Variants in POU6F2 observed in about 807,000 individuals in gnomAD.
POU6F2 encodes POU class 6 homeobox 2, also known as POU domain, class 6, transcription factor 2.
A neutral mutation model predicts 71.3 loss-of-function variants in POU6F2; 31 were observed. That is an observed-to-expected ratio of 0.43 (90% CI 0.33 to 0.59). POU6F2 has a LOEUF of 0.59. Ranked by LOEUF, POU6F2 falls within the 20% of genes least tolerant of loss-of-function variation. The pLI is 0.04. For missense variants in POU6F2, 783 were observed against 856.8 expected (o/e 0.91, Z 1.07); for synonymous variants, 347 against 355.7 (o/e 0.98, Z 0.27).
intron 6 of POU6F2, among the ~76,000 whole-genome samples, chr7:39,426,457 A>G (rs1163920299): frequency 1.3e-5 from 2 of 152,160 alleles, no homozygotes; most frequent in African/African-American, 4.8e-5. Flanking sequence ...ATTCAGACCC[A>G]TGATATTGAG....
intron 1 of POU6F2, among the ~76,000 whole-genome samples, chr7:39,069,305 A>G (rs1323236732): frequency 6.6e-6 from 1 of 152,210 alleles, no homozygotes; most frequent in East Asian, 1.9e-4. Flanking sequence ...CCAGAATGCC[A>G]GGGACTGAGT....
chr7:39,045,905 T>C (rs1226740476), intron 1 of POU6F2, among the ~76,000 whole-genome samples: 1 of 151,934 alleles, frequency 6.6e-6, no homozygotes, highest in Non-Finnish European at 1.5e-5. Flanking sequence ...TTAAGAGTAA[T>C]GTGGCTATGA....
intron 7 of POU6F2, among the ~76,000 whole-genome samples, chr7:39,441,483 G>A (rs2116072141): frequency 6.6e-6 from 1 of 152,182 alleles, no homozygotes; most frequent in African/African-American, 2.4e-5. Context: ...TGAGAAGCAA[G>A]GGAAGGAAGA....
chr7:39,123,935 A>G (rs1584554301), intron 2 of POU6F2, among the ~76,000 whole-genome samples: 1 of 152,286 alleles, frequency 6.6e-6, no homozygotes, highest in East Asian at 1.9e-4. Flanking sequence ...TAAATTGCAT[A>G]GATGCAATAT....
intron 1 of POU6F2, among the ~76,000 whole-genome samples, chr7:39,022,827 C>T (rs975760023): frequency 1.3e-5 from 2 of 152,000 alleles, no homozygotes; most frequent in Non-Finnish European, 2.9e-5. Context: ...CATTCTTTTG[C>T]ATGGACATAT....
intron 4 of POU6F2, among the ~76,000 whole-genome samples, chr7:39,257,275 C>CA (rs1457060751): frequency 6.6e-6 from 1 of 152,184 alleles, no homozygotes; most frequent in Non-Finnish European, 1.5e-5. Flanking sequence ...GAAATACATG[C>CA]ACTTGGAGTT....
At chr7:39,326,588 C>T (rs540711548) in intron 4 of POU6F2, among the ~76,000 whole-genome samples, 1 of 152,316 alleles carries the variant, frequency 6.6e-6, no homozygotes, top group African/African-American at 2.4e-5. Context: ...CCCACTCAAA[C>T]CCTAGGAGTT....
intron 4 of POU6F2, among the ~76,000 whole-genome samples, chr7:39,211,914 A>C (rs946046097): frequency 6.6e-6 from 1 of 152,118 alleles, no homozygotes; most frequent in Non-Finnish European, 1.5e-5. Context: ...CGGTTCACTC[A>C]TGTTCCATTT....
At position 39,276,633 on chromosome 7, in the gene POU6F2, CA is replaced by C. The variant is rs1784444756; in HGVS notation, c.599-63006del. ...TTTATTGCGGCACTATTCACAATAG[CA>C]AAGACTTGGACCCAACCCAAATGTC... On this transcript the variant is annotated intron_variant, in intron 4 of 9. Coordinates refer to ENST00000518318, the MANE Select transcript of POU6F2 (RefSeq NM_001370959.1). 2.0e-5 allele frequency among the ~76,000 whole-genome samples: 3 copies of C among 151,720 alleles called. No homozygotes were observed. The South Asian group carries it at 6.3e-4, about 32-fold the overall frequency.
chr7:39,468,134 C>T lies in POU6F2; in HGVS notation c.*3448C>T, dbSNP rs1224460024. On this transcript the variant is annotated 3_prime_UTR_variant, in exon 10 of 10. Transcript: ENST00000518318. Reference sequence around the variant, plus strand: ...AATGAGCTTTTTGTCATGTGATTTGCTTGTCTTCAACTTGAAATTATGTGA... The same window carrying T: ...AATGAGCTTTTTGTCATGTGATTTGTTTGTCTTCAACTTGAAATTATGTGA... 1 of 150,726 alleles carries T rather than the reference C, an allele frequency of 6.6e-6. No homozygotes were observed. The highest frequency in any genetic ancestry group is 1.5e-5 in the Non-Finnish European group (1 of 67,842). 9.3% of individuals were successfully genotyped at this position (150,726 alleles called of 1,614,324 possible). A position where few individuals can be genotyped will look rare whatever the true frequency, so the allele number is the denominator to read the frequency against.
At chr7:39,439,491 T>C (rs1479089412) in intron 7 of POU6F2, among the ~76,000 whole-genome samples, 1 of 152,172 alleles carries the variant, frequency 6.6e-6, no homozygotes, top group East Asian at 1.9e-4. Context: ...GGTTTTTGTT[T>C]TTGTTTTGTT....
At chr7:39,137,216 C>T (rs1167447249) in intron 2 of POU6F2, among the ~76,000 whole-genome samples, 1 of 151,972 alleles carries the variant, frequency 6.6e-6, no homozygotes, top group Non-Finnish European at 1.5e-5. Context: ...TTGATAATTA[C>T]ACACTGTATC....
chr7:39,427,278 C>T (rs1787994068), intron 6 of POU6F2, among the ~76,000 whole-genome samples: 1 of 152,160 alleles, frequency 6.6e-6, no homozygotes, highest in Admixed American at 6.5e-5. Flanking sequence ...GACTGAGATC[C>T]TAAGAGGTAA....
intron 5 of POU6F2, among the ~76,000 whole-genome samples, chr7:39,371,136 G>C (rs558693281): frequency 2.5e-4 from 38 of 151,882 alleles, no homozygotes; most frequent in Middle Eastern, 3.4e-3. Context: ...TGGAATCAAG[G>C]CTGTCTATGT....
chr7:39,435,355 G>A (rs1392607366), intron 7 of POU6F2, among the ~76,000 whole-genome samples: 1 of 152,066 alleles, frequency 6.6e-6, no homozygotes, highest in Non-Finnish European at 1.5e-5. Context: ...ATCTCATTGT[G>A]GTTTTCATTT....
chr7:39,168,646 G>A (rs570166936), intron 2 of POU6F2, among the ~76,000 whole-genome samples: 25 of 152,306 alleles, frequency 1.6e-4, no homozygotes, highest in South Asian at 4.1e-4. Context: ...GTGGTTGTCC[G>A]ATACAGGCTT....
intron 1 of POU6F2, among the ~76,000 whole-genome samples, chr7:38,983,495 G>A (rs1788380209): frequency 1.3e-5 from 2 of 151,198 alleles, no homozygotes; most frequent in African/African-American, 4.9e-5. Flanking sequence ...GAGCCATATT[G>A]TCTTAAACTG....
At chr7:39,334,471 CA>C (rs1238295265) in intron 4 of POU6F2, among the ~76,000 whole-genome samples, 1 of 151,300 alleles carries the variant, frequency 6.6e-6, no homozygotes, top group African/African-American at 2.4e-5. Flanking sequence ...ACTCACGTAA[CA>C]AACATGCACA....
intron 8 of POU6F2, among the ~76,000 whole-genome samples, chr7:39,454,690 AT>A (rs1422203740): frequency 1.4e-4 from 6 of 43,710 alleles, no homozygotes; most frequent in Non-Finnish European, 1.3e-4. Context: ...ATATATATAT[AT>A]ATATATATAT....
Sources: allele counts gnomAD v4.1 joint callset (sites outside exome capture counted in the v4.1 genomes callset), GRCh38; gene constraint gnomAD v4.1.1; transcripts MANE v1.5; gene names NCBI Gene and HGNC (gene_info 2026-07-23, HGNC 2026-07-21).